Variants in FOXP1 observed in about 807,000 individuals in gnomAD.
FOXP1 encodes the protein forkhead box P1, also known as forkhead box protein P1.
In FOXP1, 15 loss-of-function variants were observed where a neutral mutation model predicts 98.2. The ratio of observed to expected loss-of-function variants is 0.15; its 90% confidence interval spans 0.10 to 0.24. The LOEUF (loss-of-function observed/expected upper bound fraction) is 0.24. Ranked by LOEUF, FOXP1 falls within the 10% of genes least tolerant of loss-of-function variation. FOXP1 has a pLI of 1.00. For missense variants in FOXP1, 633 were observed against 848.5 expected (o/e 0.75, Z 3.15); for synonymous variants, 371 against 314.5 (o/e 1.18, Z -1.90).
chr3:71,391,917 C>G (rs972615361), intron 3 of FOXP1, among the ~76,000 whole-genome samples: 1 of 152,112 alleles, frequency 6.6e-6, no homozygotes, highest in Non-Finnish European at 1.5e-5. Flanking sequence ...AGCCTTCGTT[C>G]AGGGGTACAG....
intron 11 of FOXP1, among the ~76,000 whole-genome samples, chr3:71,033,612 A>G (rs868074165): frequency 6.7e-6 from 1 of 149,594 alleles, no homozygotes; most frequent in Non-Finnish European, 1.5e-5. Flanking sequence ...CAAAAAAAAA[A>G]AAAAAAAAAA....
At chr3:71,107,436 T>C (rs2057531320) in intron 7 of FOXP1, among the ~76,000 whole-genome samples, 3 of 152,054 alleles carry the variant, frequency 2.0e-5, no homozygotes, top group Non-Finnish European at 4.4e-5. Context: ...TTAAGAACTA[T>C]TTCTAAAATA....
intron 5 of FOXP1, among the ~76,000 whole-genome samples, chr3:71,227,413 C>A (rs1270421308): frequency 1.3e-5 from 2 of 152,078 alleles, no homozygotes; most frequent in East Asian, 3.9e-4. Flanking sequence ...GCCAAAGAAA[C>A]CCCCCAGAAA....
intron 6 of FOXP1, among the ~76,000 whole-genome samples, chr3:71,171,375 C>T (rs746159880): frequency 8.5e-5 from 13 of 152,170 alleles, no homozygotes; most frequent in East Asian, 1.9e-4. Context: ...AATCATTGTT[C>T]GCGCTGCACA....
At chr3:71,180,166 A>G (rs935459220) in intron 6 of FOXP1, among the ~76,000 whole-genome samples, 1 of 152,158 alleles carries the variant, frequency 6.6e-6, no homozygotes, top group Non-Finnish European at 1.5e-5. Context: ...TCTTGCTTAA[A>G]AAAAAAACCC....
chr3:71,404,402 C>T (rs1297454060), intron 3 of FOXP1, among the ~76,000 whole-genome samples: 1 of 151,956 alleles, frequency 6.6e-6, no homozygotes, highest in East Asian at 1.9e-4. Context: ...GCTGGGATTA[C>T]AGGCATGAGC....
intron 3 of FOXP1, among the ~76,000 whole-genome samples, chr3:71,459,067 C>A (rs2087772325): frequency 6.6e-6 from 1 of 152,100 alleles, no homozygotes. Flanking sequence ...ACATTTTCTT[C>A]CCCTGGAGAG....
chr3:71,282,352 T>C (rs1252274644), intron 5 of FOXP1, among the ~76,000 whole-genome samples: 1 of 151,708 alleles, frequency 6.6e-6, no homozygotes, highest in African/African-American at 2.4e-5. Context: ...CTCCTTAATA[T>C]ATATATATTT....
chr3:71,005,433 A>T (rs1399262904), intron 12 of FOXP1, among the ~76,000 whole-genome samples: 1 of 151,782 alleles, frequency 6.6e-6, no homozygotes, highest in Non-Finnish European at 1.5e-5. Context: ...CTTCAAGACT[A>T]TAATATAATT....
At chr3:71,428,243 A>T (rs2084344652) in intron 3 of FOXP1, among the ~76,000 whole-genome samples, 1 of 152,214 alleles carries the variant, frequency 6.6e-6, no homozygotes, top group Non-Finnish European at 1.5e-5. Flanking sequence ...AGGACCATGA[A>T]GATCAGGAAG....
intron 2 of FOXP1, among the ~76,000 whole-genome samples, chr3:71,531,126 T>C (rs2043812518): frequency 6.6e-6 from 1 of 152,262 alleles, no homozygotes; most frequent in African/African-American, 2.4e-5. Context: ...TCTCCACCTC[T>C]GAGGAGGGAC....
intron 2 of FOXP1, among the ~76,000 whole-genome samples, chr3:71,546,502 C>T (rs893019184): frequency 4.6e-5 from 7 of 152,094 alleles, no homozygotes; most frequent in African/African-American, 1.7e-4. Context: ...AGTGGAGCCT[C>T]TGGCCATGTC....
intron 3 of FOXP1, among the ~76,000 whole-genome samples, chr3:71,474,684 G>A (rs1041326810): frequency 4.6e-5 from 7 of 151,964 alleles, no homozygotes; most frequent in African/African-American, 1.7e-4. Context: ...TCTAATGCCT[G>A]ATGATCTGTC....
Position 71,133,308 on chromosome 3 carries a change from A to G in FOXP1, c.181-20671T>C, listed in dbSNP as rs559073634. On this transcript the variant is annotated intron_variant, in intron 6 of 20. Coordinates refer to ENST00000649528, the MANE Select transcript of FOXP1 (RefSeq NM_001349338.3). ...GTTTTTGTGATATAAACAACTTTTG[A>G]TATGTCATTTAAAAACCTCATAATA... Among the ~76,000 whole-genome samples, 4 of 152,316 alleles carry G rather than the reference A, an allele frequency of 2.6e-5. No homozygotes were observed. The East Asian group carries it at 7.7e-4, about 29-fold the overall frequency.
At chr3:71,234,011 A>G (rs1337161321) in intron 5 of FOXP1, among the ~76,000 whole-genome samples, 2 of 152,028 alleles carry the variant, frequency 1.3e-5, no homozygotes, top group East Asian at 3.9e-4. Context: ...TTTTTATACA[A>G]CCCACACTGA....
chr3:71,252,748 G>A (rs148709635), intron 5 of FOXP1, among the ~76,000 whole-genome samples: 381 of 152,312 alleles, frequency 2.5e-3, no homozygotes, highest in South Asian at 4.8e-3. Flanking sequence ...GCCAACAGCT[G>A]TTACAGAAAA....
intron 6 of FOXP1, among the ~76,000 whole-genome samples, chr3:71,180,264 T>C (rs547515782): frequency 4.9e-4 from 74 of 152,110 alleles, no homozygotes; most frequent in Non-Finnish European, 8.5e-4. Flanking sequence ...ATGTATTATT[T>C]CAGACTAGAA....
At chr3:71,472,856 G>T (rs1011086235) in intron 3 of FOXP1, among the ~76,000 whole-genome samples, 1 of 152,142 alleles carries the variant, frequency 6.6e-6, no homozygotes, top group Non-Finnish European at 1.5e-5. Flanking sequence ...GCCATTTATG[G>T]TGTGCTCCAA....
intron 14 of FOXP1, 151 bp downstream of exon 14, chr3:70,987,842 GA>G (rs1279289841): frequency 2.8e-6 from 2 of 710,976 alleles, no homozygotes; most frequent in Non-Finnish European, 5.0e-6. Flanking sequence ...CATCATAAAG[GA>G]TAACCAGAAA....
Sources: gnomAD v4.1 joint callset for allele counts (sites outside exome capture counted in the v4.1 genomes callset) on GRCh38, gnomAD v4.1.1 for gene constraint, MANE v1.5 for transcripts, NCBI Gene and HGNC (gene_info 2026-07-23, HGNC 2026-07-21) for gene names.